The following GNG2 variants were observed in gnomAD, a reference collection of about 807,000 sequenced individuals.
GNG2 encodes the protein G protein subunit gamma 2, also known as guanine nucleotide-binding protein G(I)/G(S)/G(O) subunit gamma-2.
GNG2 carries 5 observed loss-of-function variants against 5.5 expected under a neutral mutation model. The observed-to-expected ratio is 0.91, with a 90% CI of 0.48 to 1.92. The LOEUF (loss-of-function observed/expected upper bound fraction) is 1.92, where lower values mean the gene tolerates loss of function less well. GNG2 is among the 30% of genes most tolerant of loss of function. The pLI is 0.01. For synonymous variants in GNG2, 28 were observed against 32.0 expected, an observed-to-expected ratio of 0.88 and a Z score of 0.42; for missense variants, 55 against 88.4, an observed-to-expected ratio of 0.62 and a Z score of 1.52.
At chr14:51,867,414 A>G (rs886956651) in intron 1 of GNG2, among the ~76,000 whole-genome samples, 2 of 152,054 alleles carry the variant, frequency 1.3e-5, no homozygotes, top group African/African-American at 4.8e-5. Context: ...ACTCCTCAAA[A>G]CCAGCTCCTC....
At position 51,933,938 on chromosome 14, in the gene GNG2, T is replaced by G. The variant is rs544880962; in HGVS notation, c.-29-16712T>G. Among the ~76,000 whole-genome samples, 8 of 152,362 alleles carry G rather than the reference T, an allele frequency of 5.3e-5. No individual in the cohort carries two copies. The South Asian group carries it at 1.7e-3, about 32-fold the overall frequency. ...GACTCAGGAAATGTGGAAGGAAAGC[T>G]GGATAGCACTGAGGATCCACTTGAA... is the stretch of plus-strand genomic sequence containing the variant. On this transcript the variant is annotated intron_variant, in intron 2 of 3. Transcript: ENST00000556766.
chr14:51,924,453 T>G (rs971419303), intron 2 of GNG2, among the ~76,000 whole-genome samples: 2 of 152,130 alleles, frequency 1.3e-5, no homozygotes, highest in African/African-American at 4.8e-5. Context: ...TATAAAACAT[T>G]TAGGAAGATT....
At chr14:51,892,491 G>T (rs1167350266) in intron 2 of GNG2, among the ~76,000 whole-genome samples, 1 of 152,096 alleles carries the variant, frequency 6.6e-6, no homozygotes, top group East Asian at 1.9e-4. Context: ...TATAGAGACG[G>T]TTTTGCCATG....
intron 2 of GNG2, among the ~76,000 whole-genome samples, chr14:51,878,356 A>G (rs1336866241): frequency 2.6e-5 from 4 of 152,172 alleles, no homozygotes; most frequent in Non-Finnish European, 5.9e-5. Context: ...AGAGAATAAT[A>G]TAATGAACGC....
chr14:51,850,372 C>T (rs1378336064), intron 2 of GNG2, among the ~76,000 whole-genome samples: 2 of 152,052 alleles, frequency 1.3e-5, no homozygotes, highest in African/African-American at 4.8e-5. Flanking sequence ...AAAAAATAAA[C>T]CCCTCCCTCC....
In GNG2 at chr14:51,969,163, T is replaced by A. The variant is rs1171995958; in HGVS notation, c.*2476T>A. The A allele has an allele frequency of 6.6e-6, 1 of 152,202 alleles. No homozygotes were observed. The highest frequency in any genetic ancestry group is 6.5e-5 in the Admixed American group (1 of 15,284). 9.4% of individuals were successfully genotyped at this position (152,202 alleles called of 1,614,324 possible). A position where few individuals can be genotyped will look rare whatever the true frequency, so the allele number is the denominator to read the frequency against. On this transcript the variant is annotated 3_prime_UTR_variant, in exon 4 of 4. Transcript: ENST00000556766. ...CTTAAGGAATAACTAATAGGAAAAG[T>A]CAGCTTAATTATTTAAGGCCCTAGT...
chr14:51,953,862 C>T (rs190875208), intron 3 of GNG2, among the ~76,000 whole-genome samples: 30 of 152,262 alleles, frequency 2.0e-4, no homozygotes, highest in Middle Eastern at 3.4e-3. Context: ...CTCTGAAGAT[C>T]CCAGGCTTGT....
At chr14:51,946,138 A>G (rs774285820) in intron 2 of GNG2, among the ~76,000 whole-genome samples, 7 of 152,180 alleles carry the variant, frequency 4.6e-5, no homozygotes, top group Non-Finnish European at 7.3e-5. Flanking sequence ...TTGACCCTCA[A>G]ATTCTGCAGA....
chr14:51,894,456 C>T (rs1386936621), intron 2 of GNG2, among the ~76,000 whole-genome samples: 2 of 152,084 alleles, frequency 1.3e-5, no homozygotes, highest in Non-Finnish European at 2.9e-5. Flanking sequence ...AATGTTAAAG[C>T]AGAGCTTTGC....
chr14:51,946,496 C>A (rs919638334), intron 2 of GNG2, among the ~76,000 whole-genome samples: 1 of 152,138 alleles, frequency 6.6e-6, no homozygotes, highest in Non-Finnish European at 1.5e-5. Context: ...GAATAAAAAA[C>A]CATTGGGTGG....
rs1440745261 is a variant in GNG2, at chr14:51,926,772, T to C, written c.-29-23878T>C. Reference sequence around the variant, plus strand: ...TGCTAAGGGTCCCTGTTTCCCTTTTTTTTCTTTCCACCCAACACACCCTGT... The same window carrying C: ...TGCTAAGGGTCCCTGTTTCCCTTTTCTTTCTTTCCACCCAACACACCCTGT... On this transcript the variant is annotated intron_variant, in intron 2 of 3. Coordinates refer to ENST00000556766, the MANE Select transcript of GNG2 (RefSeq NM_053064.5). 2.6e-5 allele frequency among the ~76,000 whole-genome samples: 4 copies of C among 152,126 alleles called. No individual in the cohort carries two copies. In the East Asian group the frequency reaches 5.8e-4, roughly 22 times the overall value.
At position 51,933,322 on chromosome 14, in the gene GNG2, C is replaced by T. The variant is rs760654798; in HGVS notation, c.-29-17328C>T. 3.9e-5 allele frequency among the ~76,000 whole-genome samples: 6 copies of T among 152,102 alleles called. No individual in the cohort carries two copies. The South Asian group carries it at 6.2e-4, about 16-fold the overall frequency. On this transcript the variant is annotated intron_variant, in intron 2 of 3. Transcript: ENST00000556766. ...ATTTGCTGGTGACTTGGACAAATGT[C>T]GTTGCAGGAAAGGCGCTGGGGGAAA...
At chr14:51,950,625 A>G (rs555437697) in intron 2 of GNG2, 25 bp from the exon 3 acceptor site, 16 of 1,374,112 alleles carry the variant, frequency 1.2e-5, no homozygotes, top group Middle Eastern at 1.8e-4. Context: ...CTCTGGTACA[A>G]TCTTCTTTTT....
chr14:51,833,821 G>A (rs892094633), intron 2 of GNG2, among the ~76,000 whole-genome samples: 1 of 152,226 alleles, frequency 6.6e-6, no homozygotes, highest in African/African-American at 2.4e-5. Flanking sequence ...CTGCTGCAAT[G>A]ATGAATGAAA....
intron 3 of GNG2, among the ~76,000 whole-genome samples, chr14:51,952,991 GCT>G (rs1889076822): frequency 1.3e-5 from 2 of 152,008 alleles, no homozygotes; most frequent in South Asian, 4.2e-4. Context: ...CTTCATTCCT[GCT>G]CTCTTTTCTG....
At chr14:51,892,761 C>A (rs1023670858) in intron 2 of GNG2, among the ~76,000 whole-genome samples, 1 of 152,190 alleles carries the variant, frequency 6.6e-6, no homozygotes, top group Non-Finnish European at 1.5e-5. Flanking sequence ...TATTATTCCA[C>A]GTTTTTCTTC....
chr14:51,917,899 GCCTGTAGTCCCAGCTACT>G (rs1197065722), intron 2 of GNG2, among the ~76,000 whole-genome samples: 1 of 151,954 alleles, frequency 6.6e-6, no homozygotes, highest in Non-Finnish European at 1.5e-5. Flanking sequence ...GGTGGCGGGC[GCCTGTAGTCCCAGCTACT>G]CGGGAGGCTG....
intron 2 of GNG2, among the ~76,000 whole-genome samples, chr14:51,945,897 C>T (rs199702920): frequency 2.8e-5 from 3 of 108,776 alleles, no homozygotes; most frequent in East Asian, 5.2e-4. Context: ...TCTCACGTTG[C>T]GTTGTTTGTT....
intron 1 of GNG2, among the ~76,000 whole-genome samples, chr14:51,868,350 C>T (rs1181107378): frequency 6.6e-6 from 1 of 152,080 alleles, no homozygotes; most frequent in Non-Finnish European, 1.5e-5. Context: ...ATGTCCCAAC[C>T]TCACCTCAGA....
Sources: allele counts gnomAD v4.1 joint callset (sites outside exome capture counted in the v4.1 genomes callset), GRCh38; gene constraint gnomAD v4.1.1; transcripts MANE v1.5; gene names NCBI Gene and HGNC (gene_info 2026-07-23, HGNC 2026-07-21).